GRIK2: variants seen among roughly 807,000 people sequenced by gnomAD.
The protein encoded by GRIK2 is glutamate ionotropic receptor kainate type subunit 2.
In GRIK2, 32 loss-of-function variants were observed where a neutral mutation model predicts 100.3. The ratio of observed to expected loss-of-function variants is 0.32; its 90% CI spans 0.24 to 0.43. The LOEUF is 0.43. GRIK2 is among the 20% of genes least tolerant of loss of function. GRIK2 has a pLI of 1.00. For missense variants in GRIK2, 843 were observed against 1,114.9 expected, an observed-to-expected ratio of 0.76 and a Z score of 3.47; for synonymous variants, 417 against 389.4, an observed-to-expected ratio of 1.07 and a Z score of -0.83.
rs533265375 is a variant in GRIK2, at chr6:101,776,520, C to T, written c.952-23128C>T. Among the ~76,000 whole-genome samples the T allele has an allele frequency of 1.8e-4, 28 of 152,094 alleles. No individual in the cohort carries two copies. In the South Asian group the frequency reaches 4.8e-3, roughly 26 times the overall value. On this transcript the variant is annotated intron_variant, in intron 7 of 16. Coordinates refer to ENST00000369134, the MANE Select transcript of GRIK2 (RefSeq NM_021956.5). ...GTTAGCCACAGGATGCCTTAAAATC[C>T]ACCTGATTCAATCCCCTCCTTTTAT...
intron 11 of GRIK2, among the ~76,000 whole-genome samples, chr6:101,885,933 T>C (rs1786581157): frequency 6.6e-6 from 1 of 152,138 alleles, no homozygotes; most frequent in South Asian, 2.1e-4. Flanking sequence ...AAGTCCATAG[T>C]TTACATTAGA....
chr6:101,478,422 G>T (rs901297514), intron 2 of GRIK2, among the ~76,000 whole-genome samples: 1 of 150,052 alleles, frequency 6.7e-6, no homozygotes, highest in Non-Finnish European at 1.5e-5. Context: ...ATTTAAAATG[G>T]TTATAAATAT....
chr6:101,892,081 C>T (rs1376460024), intron 12 of GRIK2, among the ~76,000 whole-genome samples: 1 of 151,854 alleles, frequency 6.6e-6, no homozygotes, highest in Non-Finnish European at 1.5e-5. Context: ...TTTAAATTAA[C>T]AAATTTCCCA....
At chr6:102,017,078 A>T (rs1175408406) in intron 14 of GRIK2, among the ~76,000 whole-genome samples, 1 of 152,148 alleles carries the variant, frequency 6.6e-6, no homozygotes, top group African/African-American at 2.4e-5. Context: ...GCAAGTTCTG[A>T]GGGAATTCAT....
chr6:101,998,328 A>G (rs2114253167), intron 14 of GRIK2, among the ~76,000 whole-genome samples: 1 of 152,216 alleles, frequency 6.6e-6, no homozygotes, highest in East Asian at 1.9e-4. Flanking sequence ...TACTGTGTGT[A>G]CTCAATTTGT....
intron 13 of GRIK2, among the ~76,000 whole-genome samples, chr6:101,925,114 A>G (rs1159590261): frequency 1.3e-5 from 2 of 152,106 alleles, no homozygotes; most frequent in South Asian, 2.1e-4. Flanking sequence ...CTTCTCTTTC[A>G]TATTAATTCT....
intron 7 of GRIK2, among the ~76,000 whole-genome samples, chr6:101,733,708 C>CTTTTTT (rs34438783): frequency 1.8e-3 from 149 of 83,930 alleles, no homozygotes; most frequent in Non-Finnish European, 2.1e-3. Flanking sequence ...ATTCCTCTTT[C>CTTTTTT]TTTTTTTTTT....
intron 7 of GRIK2, among the ~76,000 whole-genome samples, chr6:101,786,047 A>T (rs753446589): frequency 6.6e-6 from 1 of 151,998 alleles, no homozygotes; most frequent in Admixed American, 6.6e-5. Flanking sequence ...AGTTAAATTT[A>T]TTCCTAAGGT....
At chr6:101,810,113 A>G (rs1250933906) in intron 9 of GRIK2, among the ~76,000 whole-genome samples, 2 of 151,744 alleles carry the variant, frequency 1.3e-5, no homozygotes, top group African/African-American at 4.8e-5. Flanking sequence ...TGATATATAT[A>G]ACATAATTGT....
chr6:101,434,851 A>G (rs1769624362), intron 2 of GRIK2, among the ~76,000 whole-genome samples: 2 of 152,114 alleles, frequency 1.3e-5, no homozygotes, highest in African/African-American at 4.8e-5. Context: ...AGGGAAACAT[A>G]AACCAAAGGA....
chr6:101,930,623 T>C (rs1038012455), intron 14 of GRIK2, among the ~76,000 whole-genome samples: 15 of 152,074 alleles, frequency 9.9e-5, no homozygotes, highest in African/African-American at 3.6e-4. Flanking sequence ...AGTTCAAATA[T>C]ACTAGTAGCA....
intron 2 of GRIK2, among the ~76,000 whole-genome samples, chr6:101,415,718 T>C (rs1348740063): frequency 6.6e-6 from 1 of 152,104 alleles, no homozygotes; most frequent in Non-Finnish European, 1.5e-5. Flanking sequence ...ATTACAGAGG[T>C]GCTTATAATT....
rs372875315 is a variant in GRIK2, at chr6:101,734,149, A to G, written c.951+47796A>G. Among the ~76,000 whole-genome samples, 6 of 152,112 alleles carry G rather than the reference A, an allele frequency of 3.9e-5. No individual in the cohort carries two copies. In the East Asian group the frequency reaches 5.8e-4, roughly 15 times the overall value. Reference sequence around the variant, plus strand: ...CCACACTCTTGTTACCAAAATCTGTATTAGTCAAAGTTCCCCAAAGAAACA... The same window carrying G: ...CCACACTCTTGTTACCAAAATCTGTGTTAGTCAAAGTTCCCCAAAGAAACA... On this transcript the variant is annotated intron_variant, in intron 7 of 16. Transcript: ENST00000369134.
chr6:101,771,377 T>C (rs1382643321), intron 7 of GRIK2, among the ~76,000 whole-genome samples: 5 of 151,976 alleles, frequency 3.3e-5, no homozygotes, highest in Non-Finnish European at 7.4e-5. Context: ...TTTATCCTTT[T>C]AGACAAATTT....
At chr6:101,686,123 A>T in intron 6 of GRIK2, 57 bp from the exon 7 acceptor site, 1 of 1,428,312 alleles carries the variant, frequency 7.0e-7, no homozygotes, top group Non-Finnish European at 9.7e-7. Flanking sequence ...TTTCAGTAAT[A>T]CATGCCTGTG....
intron 14 of GRIK2, among the ~76,000 whole-genome samples, chr6:101,979,189 G>A (rs955178525): frequency 6.6e-6 from 1 of 151,940 alleles, no homozygotes; most frequent in African/African-American, 2.4e-5. Flanking sequence ...GGAAAAATAG[G>A]AAGTAGTAGT....
intron 2 of GRIK2, among the ~76,000 whole-genome samples, chr6:101,447,448 G>T (rs1360105937): frequency 6.6e-6 from 1 of 151,620 alleles, no homozygotes; most frequent in African/African-American, 2.4e-5. Context: ...TAGAACAACA[G>T]TTCTCTCAGG....
At chr6:101,490,639 A>G (rs1190597886) in intron 2 of GRIK2, among the ~76,000 whole-genome samples, 1 of 146,652 alleles carries the variant, frequency 6.8e-6, no homozygotes, top group African/African-American at 2.6e-5. Flanking sequence ...AATGTTGATA[A>G]AAGGTATCGT....
At chr6:101,584,813 T>G (rs1221597213) in intron 2 of GRIK2, among the ~76,000 whole-genome samples, 1 of 145,860 alleles carries the variant, frequency 6.9e-6, no homozygotes, top group East Asian at 2.1e-4. Flanking sequence ...TTGTGATTTA[T>G]TTACAACTAT....
Sources: gnomAD v4.1 joint callset for allele counts (sites outside exome capture counted in the v4.1 genomes callset) on GRCh38, gnomAD v4.1.1 for gene constraint, MANE v1.5 for transcripts, NCBI Gene and HGNC (gene_info 2026-07-23, HGNC 2026-07-21) for gene names.